The following LRRC37A2 variants were observed in gnomAD, a reference collection of about 807,000 sequenced individuals.
The protein encoded by LRRC37A2 is leucine rich repeat containing 37 member A2, also known as leucine-rich repeat-containing protein 37A2.
LRRC37A2 carries 9 observed loss-of-function variants against 68.8 expected under a neutral mutation model. The ratio of observed to expected loss-of-function variants is 0.13; its 90% confidence interval spans 0.08 to 0.23. The LOEUF (loss-of-function observed/expected upper bound fraction) is 0.23. Ranked by LOEUF, LRRC37A2 falls within the 10% of genes least tolerant of loss-of-function variation. LRRC37A2 has a pLI of 1.00. For missense variants in LRRC37A2, 168 were observed against 950.4 expected (o/e 0.18, Z 10.82); for synonymous variants, 63 against 367.6 (o/e 0.17, Z 9.48).
the LRRC37A2 span, among the ~76,000 whole-genome samples, chr17:46,852,031 C>T: frequency 6.6e-6 from 1 of 152,256 alleles, no homozygotes; most frequent in Non-Finnish European, 1.5e-5. Context: ...CCGCCCCGGC[C>T]CCGCCCGTTC....
chr17:47,023,720 G>A, the LRRC37A2 span, among the ~76,000 whole-genome samples: 32 of 152,002 alleles, frequency 2.1e-4, no homozygotes, highest in East Asian at 2.9e-3. Flanking sequence ...TCAGCCTCCC[G>A]CGTAGCTGGA....
chr17:47,029,384 T>C, the LRRC37A2 span, among the ~76,000 whole-genome samples: 1 of 152,224 alleles, frequency 6.6e-6, no homozygotes, highest in Non-Finnish European at 1.5e-5. Context: ...GATTTCTTTG[T>C]ATAACATACC....
the LRRC37A2 span, chr17:46,885,024 T>G: frequency 2.3e-6 from 1 of 438,824 alleles, no homozygotes; most frequent in Non-Finnish European, 4.5e-6. Context: ...GTCTTGTTCT[T>G]GTTGCGCAGG....
chr17:46,994,541 A>C, the LRRC37A2 span, among the ~76,000 whole-genome samples: 1 of 152,060 alleles, frequency 6.6e-6, no homozygotes, highest in Non-Finnish European at 1.5e-5. Flanking sequence ...TTATTTTGTG[A>C]AAATCATTGA....
the LRRC37A2 span, among the ~76,000 whole-genome samples, chr17:46,871,543 G>T: frequency 2.0e-5 from 3 of 152,162 alleles, no homozygotes; most frequent in Middle Eastern, 3.2e-3. Flanking sequence ...AGTTTGGGAA[G>T]CTCCAGCTAG....
At chr17:46,927,222 T>A in the LRRC37A2 span, among the ~76,000 whole-genome samples, 1 of 152,192 alleles carries the variant, frequency 6.6e-6, no homozygotes, top group African/African-American at 2.4e-5. Context: ...TTAAAAAAAA[T>A]GCCTTGTTTG....
At chr17:46,996,604 C>T in the LRRC37A2 span, among the ~76,000 whole-genome samples, 3 of 152,224 alleles carry the variant, frequency 2.0e-5, no homozygotes, top group Non-Finnish European at 4.4e-5. Context: ...GGTTTTGCCA[C>T]CCATGGGCTG....
At chr17:46,991,961 C>T in the LRRC37A2 span, among the ~76,000 whole-genome samples, 1 of 152,316 alleles carries the variant, frequency 6.6e-6, no homozygotes, top group East Asian at 1.9e-4. Flanking sequence ...TTTGCTACTT[C>T]CTGGTTTATA....
At chr17:46,842,509 G>T in the LRRC37A2 span, among the ~76,000 whole-genome samples, 1 of 152,062 alleles carries the variant, frequency 6.6e-6, no homozygotes, top group Non-Finnish European at 1.5e-5. Flanking sequence ...CGAGTAGCTC[G>T]AACCACAGGT....
chr17:46,843,911 T>C, the LRRC37A2 span, among the ~76,000 whole-genome samples: 1 of 152,240 alleles, frequency 6.6e-6, no homozygotes, highest in African/African-American at 2.4e-5. Context: ...CAGATGCTTA[T>C]TCAAAGTATG....
chr17:46,894,741 A>C, the LRRC37A2 span, among the ~76,000 whole-genome samples: 1 of 151,824 alleles, frequency 6.6e-6, no homozygotes, highest in African/African-American at 2.4e-5. Context: ...TTAATCTTTA[A>C]TGCAGTCCCA....
chr17:46,501,202 C>T, the LRRC37A2 span, among the ~76,000 whole-genome samples: 9 of 151,220 alleles, frequency 6.0e-5, no homozygotes, highest in Admixed American at 1.3e-4. Context: ...GTTTTTGAGA[C>T]GGAGTCTCTG....
At chr17:46,755,985 A>T in the LRRC37A2 span, 1 of 645,452 alleles carries the variant, frequency 1.5e-6, no homozygotes, top group Non-Finnish European at 2.6e-6. Context: ...TCCCTTCCTT[A>T]TGCATACTGA....
chr17:46,780,297 A>G, the LRRC37A2 span, among the ~76,000 whole-genome samples: 15 of 151,988 alleles, frequency 9.9e-5, no homozygotes, highest in African/African-American at 3.6e-4. Context: ...GCCAGCACCC[A>G]CTCCCCTGAG....
At chr17:46,902,066 C>A in the LRRC37A2 span, among the ~76,000 whole-genome samples, 6 of 152,286 alleles carry the variant, frequency 3.9e-5, no homozygotes, top group East Asian at 1.2e-3. Context: ...CCTTGGCCTC[C>A]CAAAGTGCTG....
chr17:46,588,661 C>G, the LRRC37A2 span, among the ~76,000 whole-genome samples: 1 of 87,102 alleles, frequency 1.1e-5, no homozygotes, highest in Non-Finnish European at 2.2e-5. Context: ...TGGACAAAAT[C>G]TCTTTGATTC....
the LRRC37A2 span, among the ~76,000 whole-genome samples, chr17:46,495,002 T>G: frequency 6.7e-6 from 1 of 150,058 alleles, no homozygotes; most frequent in South Asian, 2.1e-4. Context: ...GTAACCATCA[T>G]TCTACTGCCT....
the LRRC37A2 span, chr17:46,966,387 G>A: frequency 1.8e-6 from 1 of 550,996 alleles, no homozygotes; most frequent in Non-Finnish European, 3.2e-6. Context: ...CCTCTTCAAG[G>A]CCCTCAGATA....
chr17:46,813,712 C>G, the LRRC37A2 span, among the ~76,000 whole-genome samples: 1 of 152,162 alleles, frequency 6.6e-6, no homozygotes, highest in Non-Finnish European at 1.5e-5. Flanking sequence ...GTCACCTTTC[C>G]TGTGCCATCC....
Sources: allele counts gnomAD v4.1 joint callset (sites outside exome capture counted in the v4.1 genomes callset), GRCh38; gene constraint gnomAD v4.1.1; transcripts MANE v1.5; gene names NCBI Gene and HGNC (gene_info 2026-07-23, HGNC 2026-07-21).